DLG2: variants seen among roughly 807,000 people sequenced by gnomAD.
DLG2 encodes the protein discs large MAGUK scaffold protein 2, also known as disks large homolog 2.
DLG2 carries 45 observed loss-of-function variants against 132.5 expected under a neutral mutation model. That is an observed-to-expected ratio of 0.34 (90% CI 0.27 to 0.44). The LOEUF is 0.44. DLG2 is among the 20% of genes least tolerant of loss of function. The pLI is 1.00. For missense variants in DLG2, 1,045 were observed against 1,196.9 expected (o/e 0.87, Z 1.87); for synonymous variants, 424 against 419.6 (o/e 1.01, Z -0.13).
chr11:84,077,022 AGAT>A (rs2096838621), intron 10 of DLG2, among the ~76,000 whole-genome samples: 1 of 152,210 alleles, frequency 6.6e-6, no homozygotes, highest in Non-Finnish European at 1.5e-5. Flanking sequence ...AGATCTCACC[AGAT>A]CATTTAATCT....
chr11:85,403,822 A>C (rs1321000135), intron 3 of DLG2, among the ~76,000 whole-genome samples: 2 of 152,056 alleles, frequency 1.3e-5, no homozygotes, highest in African/African-American at 2.4e-5. Context: ...AAAAGTGGTA[A>C]GCTGTTGTAA....
At chr11:85,072,998 T>C (rs767861618) in intron 6 of DLG2, among the ~76,000 whole-genome samples, 21 of 151,982 alleles carry the variant, frequency 1.4e-4, no homozygotes, top group Non-Finnish European at 2.2e-4. Flanking sequence ...TAAGAGCTTT[T>C]ATGTGGAATG....
intron 6 of DLG2, among the ~76,000 whole-genome samples, chr11:85,093,767 G>A (rs1333959673): frequency 6.6e-6 from 1 of 152,164 alleles, no homozygotes; most frequent in African/African-American, 2.4e-5. Flanking sequence ...CACATGACTT[G>A]TGGGAATTAT....
At chr11:85,173,500 T>C (rs2152497724) in intron 4 of DLG2, among the ~76,000 whole-genome samples, 1 of 152,126 alleles carries the variant, frequency 6.6e-6, no homozygotes, top group Middle Eastern at 3.4e-3. Flanking sequence ...GAAAAACCCA[T>C]TACCAGCAAC....
Position 84,139,729 on chromosome 11 carries a change from T to C in DLG2, c.624+23732A>G, listed in dbSNP as rs2094759812. 2.0e-5 allele frequency among the ~76,000 whole-genome samples: 3 copies of C among 152,160 alleles called. No homozygotes were observed. The South Asian group carries it at 6.2e-4, about 32-fold the overall frequency. On this transcript the variant is annotated intron_variant, in intron 9 of 27. Transcript: ENST00000376104. ...ACAGTTTGATTTCAGGCTAAATGAC[T>C]ACAAAGGCCACACTCGAAACACTTT...
rs542663366 is a variant in DLG2, at chr11:83,854,654, C to T, written c.1565+19766G>A. ...CAAAACTATAAACTCCTTGGAGATA[C>T]TGTAGGAGAAAATCTAGATGACCTT... On this transcript the variant is annotated intron_variant, in intron 16 of 27. Coordinates refer to ENST00000376104, the MANE Select transcript of DLG2 (RefSeq NM_001142699.3). 3.3e-3 allele frequency among the ~76,000 whole-genome samples: 509 copies of T among 152,124 alleles called. 3 individuals are homozygous for T. Among genetic ancestry groups the T allele is most frequent in the African/African-American group, 0.012 (494 of 41,526 alleles).
At chr11:84,941,473 A>G (rs1358086282) in intron 6 of DLG2, among the ~76,000 whole-genome samples, 3 of 152,086 alleles carry the variant, frequency 2.0e-5, no homozygotes, top group African/African-American at 4.8e-5. Flanking sequence ...TTCAGCATCA[A>G]TTAAAAGGAT....
At chr11:83,472,874 G>A (rs1200416495) in intron 22 of DLG2, 97 bp from the exon 23 acceptor site, 5 of 999,616 alleles carry the variant, frequency 5.0e-6, no homozygotes, top group African/African-American at 4.9e-5. Context: ...ACAGCTCAGA[G>A]TTAATTCTCC....
chr11:84,786,900 G>C (rs1396840939), intron 6 of DLG2, among the ~76,000 whole-genome samples: 2 of 152,162 alleles, frequency 1.3e-5, no homozygotes, highest in African/African-American at 4.8e-5. Flanking sequence ...CCGGGGGCCA[G>C]GAAAATTCTC....
At chr11:85,357,238 T>TTGTGTGTGTGTGG (rs2083772900) in intron 3 of DLG2, among the ~76,000 whole-genome samples, 1 of 118,128 alleles carries the variant, frequency 8.5e-6, no homozygotes, top group Non-Finnish European at 1.8e-5. Context: ...AATATCCTCT[T>TTGTGTGTGTGTGG]TGTGTGTGTG....
chr11:84,141,978 C>G (rs1002110099), intron 9 of DLG2, among the ~76,000 whole-genome samples: 2 of 151,930 alleles, frequency 1.3e-5, no homozygotes, highest in African/African-American at 4.8e-5. Context: ...CCAAATATAT[C>G]TGACTTTCCA....
chr11:84,350,886 G>A (rs899259111), intron 7 of DLG2, among the ~76,000 whole-genome samples: 1 of 151,890 alleles, frequency 6.6e-6, no homozygotes, highest in Non-Finnish European at 1.5e-5. Context: ...ATTAATCTAG[G>A]CCATCAGAAA....
chr11:85,048,144 A>G (rs2062535510), intron 6 of DLG2, among the ~76,000 whole-genome samples: 1 of 151,966 alleles, frequency 6.6e-6, no homozygotes, highest in African/African-American at 2.4e-5. Flanking sequence ...CAATTATTTC[A>G]TGATTTTTAA....
intron 7 of DLG2, among the ~76,000 whole-genome samples, chr11:84,411,349 T>C (rs891362029): frequency 1.8e-4 from 27 of 152,200 alleles, no homozygotes; most frequent in African/African-American, 5.3e-4. Context: ...ATATATTATC[T>C]TTTCAGAAAA....
intron 6 of DLG2, among the ~76,000 whole-genome samples, chr11:84,916,200 T>C (rs1176477991): frequency 6.7e-6 from 1 of 149,182 alleles, no homozygotes; most frequent in African/African-American, 2.5e-5. Context: ...AAAAAAAAAA[T>C]TAGCCGGGCG....
chr11:85,159,869 G>C (rs2077891210), intron 4 of DLG2, among the ~76,000 whole-genome samples: 1 of 152,096 alleles, frequency 6.6e-6, no homozygotes, highest in Admixed American at 6.5e-5. Context: ...ATAGCTTTTT[G>C]CTTCCACAAG....
intron 6 of DLG2, among the ~76,000 whole-genome samples, chr11:84,633,487 T>C (rs1412175830): frequency 6.6e-6 from 1 of 152,060 alleles, no homozygotes; most frequent in Non-Finnish European, 1.5e-5. Flanking sequence ...GTGCACCACT[T>C]ACTCCAAGAA....
intron 6 of DLG2, among the ~76,000 whole-genome samples, chr11:84,939,195 G>C (rs1225024793): frequency 6.6e-6 from 1 of 151,986 alleles, no homozygotes; most frequent in Non-Finnish European, 1.5e-5. Flanking sequence ...CTCAATTTGA[G>C]AGCCTGACTA....
chr11:83,462,890 T>G (rs1358705817), intron 26 of DLG2, among the ~76,000 whole-genome samples: 2 of 152,210 alleles, frequency 1.3e-5, no homozygotes, highest in Non-Finnish European at 2.9e-5. Flanking sequence ...CTCTAAAACC[T>G]AATCTATTGA....
Sources: allele counts gnomAD v4.1 joint callset (sites outside exome capture counted in the v4.1 genomes callset), GRCh38; gene constraint gnomAD v4.1.1; transcripts MANE v1.5; gene names NCBI Gene and HGNC (gene_info 2026-07-23, HGNC 2026-07-21).